TMEM209: variants seen among roughly 807,000 people sequenced by gnomAD.
TMEM209 encodes the protein testicular tissue protein Li 202.
In TMEM209, 65 loss-of-function variants were observed where a neutral mutation model predicts 76.2. That is an observed-to-expected ratio of 0.85 (90% CI 0.70 to 1.05). The LOEUF (loss-of-function observed/expected upper bound fraction) is 1.05, where lower values mean the gene tolerates loss of function less well. TMEM209 is among the 50% of genes least tolerant of loss of function. The pLI is 0.00. For synonymous variants in TMEM209, 239 were observed against 237.6 expected (o/e 1.01, Z -0.06); for missense variants, 623 against 685.5 (o/e 0.91, Z 1.02).
intron 6 of TMEM209, among the ~76,000 whole-genome samples, chr7:130,191,695 A>G (rs1797801788): frequency 6.6e-6 from 1 of 152,210 alleles, no homozygotes. Context: ...CTTCCAAACA[A>G]TAATAATATT....
rs898140948 is a variant in TMEM209 at position 130,173,748 on chromosome 7, T to C, written c.1460-19A>G. The C allele has an allele frequency of 7.4e-6, 12 of 1,611,458 alleles. No homozygotes were observed. Among genetic ancestry groups the C allele is most frequent in the East Asian group, 4.5e-5 (2 of 44,842 alleles). On this transcript the variant is annotated intron_variant, in intron 12 of 14. Coordinates refer to ENST00000397622, the MANE Select transcript of TMEM209 (RefSeq NM_032842.4). The stretch of plus-strand genomic sequence containing the variant: ...GTAACATCTGTAAAGGAAGGCAATA[T>C]GCTGCATTAAAAAACCAAACCCCCA...
At chr7:130,177,951 C>T (rs1226214841) in intron 10 of TMEM209, among the ~76,000 whole-genome samples, 6 of 152,056 alleles carry the variant, frequency 3.9e-5, no homozygotes, top group Admixed American at 3.3e-4. Context: ...AAAATTCTAA[C>T]GTTATGAATT....
intron 5 of TMEM209, among the ~76,000 whole-genome samples, chr7:130,193,498 G>T (rs921788358): frequency 6.6e-6 from 1 of 151,070 alleles, no homozygotes; most frequent in Non-Finnish European, 1.5e-5. Flanking sequence ...AAGATCGCGC[G>T]ACTGCACTCC....
At chr7:130,204,710 T>G (rs1798368335) in intron 1 of TMEM209, among the ~76,000 whole-genome samples, 1 of 152,232 alleles carries the variant, frequency 6.6e-6, no homozygotes, top group Non-Finnish European at 1.5e-5. Context: ...ATTTAAGGGT[T>G]ATGTCTAGAA....
rs1347147600 is a variant in TMEM209 at position 130,202,611 on chromosome 7, T to A, written c.252A>T (p.Arg84Ser). ...TTGGTGCCACAGTATATTTGAAATA[T>A]CTCCAAAAATCAAATAAGGCATTAA... is the stretch of plus-strand genomic sequence containing the variant. ...FSLNALFDFW[R>S]YFKYTVAPTS... Residue 84 changes from arginine to serine, a missense_variant, in exon 4 of 15, where the codon AGA (arginine) becomes AGT (serine). Transcript: ENST00000397622. 1 of 1,613,598 alleles carries A rather than the reference T, an allele frequency of 6.2e-7. No homozygotes were observed. Among genetic ancestry groups the A allele is most frequent in the Non-Finnish European group, 8.5e-7 (1 of 1,179,794 alleles).
chr7:130,187,353 G>T (rs995601228), intron 6 of TMEM209, among the ~76,000 whole-genome samples: 3 of 152,038 alleles, frequency 2.0e-5, no homozygotes, highest in Admixed American at 6.6e-5. Context: ...AATGAAAAGA[G>T]AATTAAAAAT....
At chr7:130,180,693 TACAAATGACTGATAA>T (rs1204938706) in intron 9 of TMEM209, among the ~76,000 whole-genome samples, 1 of 152,158 alleles carries the variant, frequency 6.6e-6, no homozygotes, top group African/African-American at 2.4e-5. Context: ...TAAGAAGATA[TACAAATGACTGATAA>T]ACACATGAGA....
chr7:130,178,224 G>A (rs1797302975), intron 10 of TMEM209, among the ~76,000 whole-genome samples, 178 bp downstream of exon 10: 1 of 152,090 alleles, frequency 6.6e-6, no homozygotes, highest in African/African-American at 2.4e-5. Flanking sequence ...AGTCACTGGA[G>A]CCCATTTAGC....
Position 130,201,975 on chromosome 7 carries a change from T to A in TMEM209, c.448A>T (p.Thr150Ser), listed in dbSNP as rs2117037790. The stretch of plus-strand genomic sequence containing the variant: ...CAGCTGGTGGTGAACTTGGGACTGG[T>A]ACTGGGCGAACGAGAAGGGCTATAA... ...LSYSPSRSPS[T>S]SPKFTTSCMT... Residue 150 changes from threonine to serine, a missense_variant, in exon 5 of 15, where the codon ACC becomes TCC. Physicochemically the swap from Thr to Ser is moderately conservative, Grantham distance 58 (BLOSUM62 1). Transcript: ENST00000397622. 6.2e-7 allele frequency: 1 copy of A among 1,613,764 alleles called. No homozygotes were observed. Among genetic ancestry groups the A allele is most frequent in the East Asian group, 2.2e-5 (1 of 44,880 alleles).
intron 5 of TMEM209, among the ~76,000 whole-genome samples, chr7:130,193,744 A>T (rs1387230067): frequency 6.6e-6 from 1 of 151,398 alleles, no homozygotes. Context: ...TGAATGAATA[A>T]ATGGTGCAGT....
intron 6 of TMEM209, among the ~76,000 whole-genome samples, chr7:130,186,822 T>C (rs905648083): frequency 2.0e-5 from 3 of 152,006 alleles, no homozygotes; most frequent in East Asian, 3.9e-4. Context: ...ACACAATCTA[T>C]AGCTGGAGAA....
At chr7:130,188,410 CATG>C (rs1797676999) in intron 6 of TMEM209, among the ~76,000 whole-genome samples, 1 of 151,914 alleles carries the variant, frequency 6.6e-6, no homozygotes, top group Non-Finnish European at 1.5e-5. Flanking sequence ...TCCTGGCTAA[CATG>C]GTGAAACCCC....
chr7:130,170,581 A>G (rs984852198), intron 13 of TMEM209, 108 bp from the exon 14 acceptor site: 6 of 854,852 alleles, frequency 7.0e-6, no homozygotes, highest in Admixed American at 5.3e-5. Context: ...AGAATTCCAT[A>G]TAATTCAGAC....
Position 130,187,260 on chromosome 7 carries a change from C to T in TMEM209, c.776-1893G>A, listed in dbSNP as rs575691971. Among the ~76,000 whole-genome samples, 11 of 149,862 alleles carry T rather than the reference C, an allele frequency of 7.3e-5. No individual in the cohort carries two copies. The South Asian group carries it at 1.5e-3, about 20-fold the overall frequency. On this transcript the variant is annotated intron_variant, in intron 6 of 14. Coordinates refer to ENST00000397622, the MANE Select transcript of TMEM209 (RefSeq NM_032842.4). ...TCTATCTCAAAAACAAAAAAAACCT[C>T]GATCTCAAAAAAAAAAACAACATTA...
intron 1 of TMEM209, 135 bp from the exon 2 acceptor site, chr7:130,204,245 C>T: frequency 1.9e-6 from 2 of 1,055,786 alleles, no homozygotes; most frequent in Non-Finnish European, 2.6e-6. Context: ...TTTATCAAAA[C>T]TTCTTCCATT....
chr7:130,200,040 G>A (rs187086544), intron 5 of TMEM209: 2 of 151,932 alleles, frequency 1.3e-5, no homozygotes, highest in Admixed American at 1.3e-4. Flanking sequence ...TTATATTATG[G>A]TGGGGAGGGG....
chr7:130,201,951 A>T lies in TMEM209; in HGVS notation c.472T>A (p.Cys158Ser). ...PSTSPKFTTSCMTGYSPQLQG... is the reference protein window; with the variant it reads ...PSTSPKFTTSSMTGYSPQLQG... ...AGCTGAGGGCTGTAACCAGTCATACAGCTGGTGGTGAACTTGGGACTGGTA... is the reference window on the plus strand; with the variant it reads ...AGCTGAGGGCTGTAACCAGTCATACTGCTGGTGGTGAACTTGGGACTGGTA... The change falls in exon 5 of 15, where the codon TGT (cysteine) becomes AGT (serine). Residue 158 changes from cysteine to serine, a missense_variant. Physicochemically the swap from Cys to Ser is moderately radical, Grantham distance 112. Coordinates refer to ENST00000397622, the MANE Select transcript of TMEM209 (RefSeq NM_032842.4). 6.2e-7 allele frequency: 1 copy of T among 1,613,958 alleles called. No homozygotes were observed. Among genetic ancestry groups the T allele is most frequent in the Non-Finnish European group, 8.5e-7 (1 of 1,179,882 alleles).
At chr7:130,185,941 C>A (rs1037512590) in intron 6 of TMEM209, among the ~76,000 whole-genome samples, 24 of 152,236 alleles carry the variant, frequency 1.6e-4, no homozygotes, top group Admixed American at 5.9e-4. Context: ...AAAAAAAGTT[C>A]TATTTAGGAA....
chr7:130,178,367 A>G (rs1797306951), intron 10 of TMEM209, 35 bp downstream of exon 10: 1 of 1,545,452 alleles, frequency 6.5e-7, no homozygotes, highest in African/African-American at 1.4e-5. Flanking sequence ...ATAGTAAAAA[A>G]GCTCTTATTT....
Sources: allele counts gnomAD v4.1 joint callset (sites outside exome capture counted in the v4.1 genomes callset), GRCh38; gene constraint gnomAD v4.1.1; transcripts MANE v1.5; gene names NCBI Gene and HGNC (gene_info 2026-07-23, HGNC 2026-07-21).